Variants in SENP6 observed in about 807,000 individuals in gnomAD.
The protein encoded by SENP6 is sentrin-specific protease 6.
A neutral mutation model predicts 134.5 loss-of-function variants in SENP6; 41 were observed. That is an observed-to-expected ratio of 0.30 (90% CI 0.24 to 0.40). The LOEUF is 0.40. Ranked by LOEUF, SENP6 falls within the 10% of genes least tolerant of loss-of-function variation. The probability of loss-of-function intolerance (pLI) is 1.00; values close to 1 mark genes in which losing one functional copy is unlikely to be tolerated. For synonymous variants in SENP6, 395 were observed against 429.8 expected, an observed-to-expected ratio of 0.92 and a Z score of 1.00; for missense variants, 1,248 against 1,312.5, an observed-to-expected ratio of 0.95 and a Z score of 0.76.
chr6:75,664,260 T>TAAA (rs201451056), intron 9 of SENP6, among the ~76,000 whole-genome samples: 1 of 140,468 alleles, frequency 7.1e-6, no homozygotes, highest in South Asian at 2.2e-4. Context: ...ACCCTGTTGC[T>TAAA]AAAAAAAAAA....
chr6:75,673,041 A>T (rs542740269), intron 11 of SENP6, among the ~76,000 whole-genome samples: 1 of 152,146 alleles, frequency 6.6e-6, no homozygotes, highest in South Asian at 2.1e-4. Context: ...GTTAGCCAGG[A>T]TGGTCTCGAT....
intron 1 of SENP6, among the ~76,000 whole-genome samples, chr6:75,607,909 G>C (rs1332126856): frequency 7.3e-6 from 1 of 137,560 alleles, no homozygotes; most frequent in Admixed American, 7.0e-5. Flanking sequence ...TTGAACTAGA[G>C]CACAGCTTCT....
intron 3 of SENP6, among the ~76,000 whole-genome samples, chr6:75,627,670 T>C (rs1032904629): frequency 6.6e-6 from 1 of 152,146 alleles, no homozygotes; most frequent in East Asian, 1.9e-4. Flanking sequence ...TGTACACATA[T>C]GTAGCTTTCA....
intron 10 of SENP6, among the ~76,000 whole-genome samples, chr6:75,667,915 G>A (rs1319650641): frequency 6.6e-6 from 1 of 152,062 alleles, no homozygotes; most frequent in African/African-American, 2.4e-5. Context: ...TTATGTGAGA[G>A]TACCAAAATA....
At chr6:75,701,159 T>G (rs1268730242) in intron 18 of SENP6, among the ~76,000 whole-genome samples, 1 of 152,240 alleles carries the variant, frequency 6.6e-6, no homozygotes, top group African/African-American at 2.4e-5. Context: ...TAACTTGTTT[T>G]TCATCCAGCA....
intron 16 of SENP6, among the ~76,000 whole-genome samples, chr6:75,683,296 G>C (rs1773592420): frequency 6.6e-6 from 1 of 152,016 alleles, no homozygotes; most frequent in South Asian, 2.1e-4. Flanking sequence ...GTAGATTCTG[G>C]ATATTAGCCC....
chr6:75,664,280 AATAATT>A (rs2149866319), intron 9 of SENP6, among the ~76,000 whole-genome samples: 1 of 151,944 alleles, frequency 6.6e-6, no homozygotes, highest in African/African-American at 2.4e-5. Flanking sequence ...AAACAATAAT[AATAATT>A]ATAAACAGAA....
intron 16 of SENP6, among the ~76,000 whole-genome samples, chr6:75,690,751 A>G (rs1774182774): frequency 6.7e-6 from 1 of 149,892 alleles, no homozygotes; most frequent in Non-Finnish European, 1.5e-5. Flanking sequence ...TCTGGAGTGC[A>G]GTGGTGCAAT....
chr6:75,629,668 TTG>T (rs1344104281), intron 3 of SENP6, among the ~76,000 whole-genome samples: 5 of 152,184 alleles, frequency 3.3e-5, no homozygotes, highest in African/African-American at 1.2e-4. Context: ...CAGAAGATCT[TTG>T]TGTGTCCCAG....
chr6:75,713,520 A>G lies in SENP6; in HGVS notation c.2917A>G (p.Ile973Val). The change falls in exon 22 of 24, where the codon ATC becomes GTC. Residue 973 changes from isoleucine to valine, a missense_variant. Transcript: ENST00000447266. Reference sequence around the variant, plus strand: ...GTCATTTTTACCCTGCAGACCTTGTATCCTACTTATGGACTCACTCCGAGG... The same window carrying G: ...GTCATTTTTACCCTGCAGACCTTGTGTCCTACTTATGGACTCACTCCGAGG... Reference protein sequence around the residue: ...LKPTICKQPCILLMDSLRGPS... With the variant: ...LKPTICKQPCVLLMDSLRGPS... 2 of 1,613,442 alleles carry G rather than the reference A, an allele frequency of 1.2e-6. No individual in the cohort carries two copies. Among genetic ancestry groups the G allele is most frequent in the Non-Finnish European group, 1.7e-6 (2 of 1,179,654 alleles).
chr6:75,662,939 C>A (rs1000314605), intron 8 of SENP6, among the ~76,000 whole-genome samples: 1 of 152,094 alleles, frequency 6.6e-6, no homozygotes, highest in Non-Finnish European at 1.5e-5. Context: ...GACTGCTAGA[C>A]TAGATAGTCT....
intron 7 of SENP6, among the ~76,000 whole-genome samples, chr6:75,658,220 G>C (rs1049825438): frequency 1.3e-5 from 2 of 152,220 alleles, no homozygotes; most frequent in Non-Finnish European, 1.5e-5. Flanking sequence ...GAAAATAGAC[G>C]TGCAAACAAT....
In SENP6 at chr6:75,627,543, C is replaced by T. The variant is rs139318531; in HGVS notation, c.207+3583C>T. Among the ~76,000 whole-genome samples the T allele has an allele frequency of 2.9e-3, 442 of 152,172 alleles. 2 individuals carry two copies. The highest frequency in any genetic ancestry group is 0.01 in the African/African-American group (422 of 41,496). Reference sequence around the variant, plus strand: ...CCTTGGTAGGATGAAGCGGGAGGATCGTTCGAAGCCAGGAGTTTGAGATCA... The same window carrying T: ...CCTTGGTAGGATGAAGCGGGAGGATTGTTCGAAGCCAGGAGTTTGAGATCA... On this transcript the variant is annotated intron_variant, in intron 3 of 23. Transcript: ENST00000447266.
Position 75,715,630 on chromosome 6 carries a change from C to T in SENP6, c.*36C>T, listed in dbSNP as rs1562084499. On this transcript the variant is annotated 3_prime_UTR_variant, in exon 24 of 24. Transcript: ENST00000447266. ...TACTTGTCATTTCTACTTTCAGAAA[C>T]TAAATGACTTTCAAATTTGGGTATA... 9.2e-6 allele frequency: 14 copies of T among 1,527,720 alleles called. No homozygotes were observed. Among genetic ancestry groups the T allele is most frequent in the Admixed American group, 1.8e-5 (1 of 55,422 alleles). The allele number at this position is 1,527,720 out of a possible 1,614,324, so 94.6% of individuals were successfully genotyped here. A position where few individuals can be genotyped will look rare whatever the true frequency, so the allele number is the denominator to read the frequency against.
Position 75,663,378 on chromosome 6 carries a change from T to C in SENP6, c.854T>C (p.Ile285Thr), listed in dbSNP as rs1771929056. 3 of 1,613,802 alleles carry C rather than the reference T, an allele frequency of 1.9e-6. No homozygotes were observed. The highest frequency in any genetic ancestry group is 1.1e-5 in the South Asian group (1 of 91,070). The change falls in exon 9 of 24, where the codon ATT becomes ACT. Residue 285 changes from isoleucine to threonine, a missense_variant. Coordinates refer to ENST00000447266, the MANE Select transcript of SENP6 (RefSeq NM_015571.4). ...FYGNNVEKVP[I>T]DIIVNCDDSK... is the part of the protein sequence containing the mutation. ...GGCAACAATGTGGAAAAGGTTCCAA[T>C]TGATATTATTGTGAATTGTGATGAC... is the stretch of plus-strand genomic sequence containing the variant.
chr6:75,631,979 G>A (rs1432640346), intron 3 of SENP6, among the ~76,000 whole-genome samples: 4 of 152,142 alleles, frequency 2.6e-5, no homozygotes, highest in Non-Finnish European at 5.9e-5. Context: ...TGTGTTGCCA[G>A]GACACAGGCA....
intron 16 of SENP6, among the ~76,000 whole-genome samples, chr6:75,680,900 T>C (rs1773418545): frequency 6.6e-6 from 1 of 152,168 alleles, no homozygotes; most frequent in Non-Finnish European, 1.5e-5. Context: ...GGAAGTCTGC[T>C]AAAACACAAG....
chr6:75,686,249 T>C (rs1328568301), intron 16 of SENP6, among the ~76,000 whole-genome samples: 1 of 152,138 alleles, frequency 6.6e-6, no homozygotes, highest in Non-Finnish European at 1.5e-5. Context: ...ATTTGCTTGG[T>C]AGATCTTCCT....
chr6:75,699,353 G>GTTTTTTTTTTTTT (rs761943850), intron 18 of SENP6, among the ~76,000 whole-genome samples: 1 of 41,220 alleles, frequency 2.4e-5, no homozygotes, highest in Non-Finnish European at 4.5e-5. Context: ...TTTTGTTTTT[G>GTTTTTTTTTTTTT]CTTTTTTTTT....
Sources: allele counts gnomAD v4.1 joint callset (sites outside exome capture counted in the v4.1 genomes callset), GRCh38; gene constraint gnomAD v4.1.1; transcripts MANE v1.5; gene names NCBI Gene and HGNC (gene_info 2026-07-23, HGNC 2026-07-21).